Variants in MROH1 observed in about 807,000 individuals in gnomAD.
The protein encoded by MROH1 is maestro heat like repeat family member 1.
MROH1 carries 117 observed loss-of-function variants against 116.5 expected under a neutral mutation model. That is an observed-to-expected ratio of 1.00 (90% CI 0.86 to 1.17). The LOEUF is 1.17. Among genes scored for constraint, MROH1 ranks in the 50% most tolerant of loss-of-function variants. MROH1 has a pLI of 0.00. For missense variants in MROH1, 1,873 were observed against 1,338.5 expected (o/e 1.40, Z -6.23); for synonymous variants, 921 against 583.9 (o/e 1.58, Z -8.32).
intron 14 of MROH1, among the ~76,000 whole-genome samples, chr8:144,224,774 G>C (rs1837483722): frequency 6.6e-6 from 1 of 152,172 alleles, no homozygotes; most frequent in Admixed American, 6.6e-5. Flanking sequence ...CTGTAGAGGG[G>C]GTGAGCGGCA....
intron 4 of MROH1, chr8:144,175,471 T>C (rs1354921631): frequency 1.0e-6 from 1 of 984,766 alleles, no homozygotes; most frequent in East Asian, 1.1e-4. Context: ...ACACTGATTT[T>C]CAATTCTTTC....
intron 4 of MROH1, among the ~76,000 whole-genome samples, chr8:144,171,807 T>C (rs1461714465): frequency 6.6e-6 from 1 of 152,204 alleles, no homozygotes; most frequent in Non-Finnish European, 1.5e-5. Flanking sequence ...ACATTCCTAG[T>C]TGGGGGCCTC....
chr8:144,174,012 C>T (rs762966078), intron 4 of MROH1, among the ~76,000 whole-genome samples: 10 of 152,082 alleles, frequency 6.6e-5, no homozygotes, highest in African/African-American at 9.7e-5. Flanking sequence ...GCTGTCTCTT[C>T]GCCCAAGTTA....
intron 12 of MROH1, among the ~76,000 whole-genome samples, chr8:144,209,578 CAAAAAA>C (rs11377533): frequency 1.4e-4 from 18 of 131,336 alleles, no homozygotes; most frequent in Admixed American, 2.4e-4. Context: ...GACTCCGTCT[CAAAAAA>C]AAAAAAAGAA....
chr8:144,218,666 C>A lies in MROH1; in HGVS notation c.1142-1934C>A, dbSNP rs137886110. On this transcript the variant is annotated intron_variant, in intron 12 of 43. Coordinates refer to ENST00000326134, the MANE Select transcript of MROH1 (RefSeq NM_032450.3). ...CTTTACCATCCTCCCCTCCTCTCCC[C>A]TCCCGTCCCCTCTCCCCTCCCCTCT... 5.5e-3 allele frequency among the ~76,000 whole-genome samples: 597 copies of A among 107,652 alleles called. 5 individuals are homozygous for A. The highest frequency in any genetic ancestry group is 0.022 in the Middle Eastern group (5 of 224). 70.6% of individuals were successfully genotyped at this position (107,652 alleles called of 152,430 possible). A position where few individuals can be genotyped will look rare whatever the true frequency, so the allele number is the denominator to read the frequency against.
intron 4 of MROH1, 128 bp from the exon 5 acceptor site, chr8:144,179,327 A>T: frequency 7.3e-7 from 1 of 1,360,902 alleles, no homozygotes; most frequent in Non-Finnish European, 1.0e-6. Flanking sequence ...GATCAGGTGT[A>T]CCCCTCCCCT....
chr8:144,259,186 G>A, intron 36 of MROH1, 54 bp from the exon 37 acceptor site: 1 of 705,594 alleles, frequency 1.4e-6, no homozygotes, highest in Non-Finnish European at 2.6e-6. Context: ...AAGGTGCCTG[G>A]GTAGGGTTCA....
intron 4 of MROH1, among the ~76,000 whole-genome samples, chr8:144,172,715 A>C (rs1822815631): frequency 6.6e-6 from 1 of 151,684 alleles, no homozygotes; most frequent in Non-Finnish European, 1.5e-5. Context: ...GGCCAGTCTA[A>C]CTCTTTTAAC....
At chr8:144,207,485 C>T (rs1215426979) in intron 12 of MROH1, among the ~76,000 whole-genome samples, 1 of 152,204 alleles carries the variant, frequency 6.6e-6, no homozygotes. Flanking sequence ...CCACGCCCGA[C>T]CCCTGTTCAG....
At chr8:144,179,130 G>T (rs904542726) in intron 4 of MROH1, among the ~76,000 whole-genome samples, 1 of 152,068 alleles carries the variant, frequency 6.6e-6, no homozygotes, top group African/African-American at 2.4e-5. Flanking sequence ...GGGAGGGCAG[G>T]GCAAGGAGGT....
At chr8:144,165,087 T>G (rs559114132) in intron 3 of MROH1, among the ~76,000 whole-genome samples, 2 of 151,864 alleles carry the variant, frequency 1.3e-5, no homozygotes, top group South Asian at 4.2e-4. Flanking sequence ...GCCTCCCAAG[T>G]AGCTGAGATT....
intron 12 of MROH1, among the ~76,000 whole-genome samples, chr8:144,206,113 G>A (rs532692743): frequency 1.3e-5 from 2 of 152,324 alleles, no homozygotes; most frequent in South Asian, 4.1e-4. Context: ...GCGGTGGCAC[G>A]ATCACAGCTC....
intron 10 of MROH1, among the ~76,000 whole-genome samples, chr8:144,196,349 G>A (rs921566534): frequency 4.0e-5 from 6 of 150,790 alleles, no homozygotes; most frequent in South Asian, 2.1e-4. Flanking sequence ...TTTCCCCTAC[G>A]CTTTTGTTAT....
chr8:144,260,378 G>T lies in MROH1; in HGVS notation c.4380+4G>T. ...CATCCGGCCTTTCTTCGACAGTGTA[G>T]GCTGGTTGGGGCAGGGGGAGGGAAG... On this transcript the variant is annotated splice_donor_region_variant and intron_variant, in intron 39 of 43. Coordinates refer to ENST00000326134, the MANE Select transcript of MROH1 (RefSeq NM_032450.3). 1 of 713,378 alleles carries T rather than the reference G, an allele frequency of 1.4e-6. No homozygotes were observed. The highest frequency in any genetic ancestry group is 2.6e-6 in the Non-Finnish European group (1 of 390,220). 44.2% of individuals were successfully genotyped at this position (713,378 alleles called of 1,614,324 possible). A position where few individuals can be genotyped will look rare whatever the true frequency, so the allele number is the denominator to read the frequency against.
At chr8:144,209,074 T>TGTGTGTGTGTG (rs1833515725) in intron 12 of MROH1, among the ~76,000 whole-genome samples, 4 of 138,052 alleles carry the variant, frequency 2.9e-5, no homozygotes, top group African/African-American at 1.1e-4. Context: ...TGTGTGTGTG[T>TGTGTGTGTGTG]TTAGTGGAGA....
intron 3 of MROH1, among the ~76,000 whole-genome samples, chr8:144,164,974 T>C (rs1393380532): frequency 6.6e-6 from 1 of 152,078 alleles, no homozygotes; most frequent in East Asian, 1.9e-4. Flanking sequence ...TAGGATGTCC[T>C]TCAAGCCTTT....
At position 144,180,381 on chromosome 8, in the gene MROH1, C is replaced by A. The variant is rs758120183; in HGVS notation, c.463+41C>A. 83 of 1,610,484 alleles carry A rather than the reference C, an allele frequency of 5.2e-5. 1 individual carries two copies. The Admixed American group carries it at 1.3e-3, about 24-fold the overall frequency. The stretch of plus-strand genomic sequence containing the variant: ...CCTGCCCCAGGAGGAGCACGGGGCG[C>A]TGGAAGCCTTGGCGGAGGCCTTTGA... On this transcript the variant is annotated intron_variant, in intron 6 of 43. Transcript: ENST00000326134. This position sits in a 1 kb window ranked among gnomAD's most constrained non-coding sequence, Gnocchi z 7.4.
At chr8:144,221,206 G>C (rs961432611) in intron 13 of MROH1, among the ~76,000 whole-genome samples, 2 of 152,190 alleles carry the variant, frequency 1.3e-5, no homozygotes, top group Non-Finnish European at 2.9e-5. Context: ...TGGCGCCCTC[G>C]TGGCTGAGCT....
At chr8:144,232,030 G>A (rs1364347423) in intron 14 of MROH1, among the ~76,000 whole-genome samples, 1 of 152,178 alleles carries the variant, frequency 6.6e-6, no homozygotes, top group Non-Finnish European at 1.5e-5. Flanking sequence ...CTTTATGCTA[G>A]AAGCATTCTA....
Sources: gnomAD v4.1 joint callset for allele counts (sites outside exome capture counted in the v4.1 genomes callset) on GRCh38, gnomAD v4.1.1 for gene constraint, Gnocchi (gnomAD v3.1) non-coding constraint, MANE v1.5 for transcripts, NCBI Gene and HGNC (gene_info 2026-07-23, HGNC 2026-07-21) for gene names.